TECRL: variants seen among roughly 807,000 people sequenced by gnomAD.
TECRL encodes the protein trans-2,3-enoyl-CoA reductase-like.
Under a neutral mutation model 52.8 loss-of-function variants are expected in TECRL, and 63 were observed. That is an observed-to-expected ratio of 1.19 (90% CI 0.97 to 1.47). The LOEUF (loss-of-function observed/expected upper bound fraction) is 1.47. Ranked by LOEUF, TECRL falls within the 40% of genes most tolerant of loss-of-function variation. The pLI, the probability that TECRL is intolerant of heterozygous loss-of-function variation, is 0.00. For missense variants in TECRL, 482 were observed against 429.6 expected (o/e 1.12, Z -1.08); for synonymous variants, 164 against 141.9 (o/e 1.16, Z -1.10).
intron 8 of TECRL, among the ~76,000 whole-genome samples, chr4:64,291,000 TC>T (rs1723350937): frequency 6.6e-6 from 1 of 152,104 alleles, no homozygotes. Flanking sequence ...TTTTGAATTT[TC>T]AGGTAATACT....
At chr4:64,395,940 C>T (rs1458128505) in intron 1 of TECRL, among the ~76,000 whole-genome samples, 1 of 152,108 alleles carries the variant, frequency 6.6e-6, no homozygotes, top group African/African-American at 2.4e-5. Context: ...GTTTTCTGTT[C>T]CTCAGTTAAT....
chr4:64,381,560 C>T (rs1450952664), intron 1 of TECRL, among the ~76,000 whole-genome samples: 1 of 151,796 alleles, frequency 6.6e-6, no homozygotes, highest in Non-Finnish European at 1.5e-5. Flanking sequence ...ATGTTCATTA[C>T]ATACCTAATT....
chr4:64,403,475 GCA>G lies in TECRL; in HGVS notation c.234+5641_234+5642del, dbSNP rs148711260. 2.0e-3 allele frequency among the ~76,000 whole-genome samples: 299 copies of G among 148,246 alleles called. 1 individual carries two copies. Among genetic ancestry groups the G allele is most frequent in the South Asian group, 0.019 (88 of 4,680 alleles). ...AAACAATATTCTTCCCTCCCTGAGC[GCA>G]CACACACACACACACACACACACAC... On this transcript the variant is annotated intron_variant, in intron 1 of 11. Coordinates refer to ENST00000381210, the MANE Select transcript of TECRL (RefSeq NM_001010874.5).
At chr4:64,373,898 A>G (rs1421141340) in intron 2 of TECRL, among the ~76,000 whole-genome samples, 8 of 149,210 alleles carry the variant, frequency 5.4e-5, no homozygotes, top group Non-Finnish European at 1.5e-5. Flanking sequence ...TTTTAAGTAG[A>G]AATACACCAA....
intron 1 of TECRL, among the ~76,000 whole-genome samples, chr4:64,378,341 G>A (rs559884259): frequency 2.0e-5 from 3 of 152,158 alleles, no homozygotes; most frequent in African/African-American, 4.8e-5. Context: ...CAAGGCAGAA[G>A]GATCACTTGA....
At chr4:64,294,217 C>A (rs1442636508) in intron 8 of TECRL, among the ~76,000 whole-genome samples, 1 of 151,892 alleles carries the variant, frequency 6.6e-6, no homozygotes, top group African/African-American at 2.4e-5. Context: ...AAACTCCTGA[C>A]CTCAAGTGAA....
chr4:64,357,180 T>A, intron 2 of TECRL, among the ~76,000 whole-genome samples: 1 of 152,066 alleles, frequency 6.6e-6, no homozygotes, highest in East Asian at 1.9e-4. Context: ...AAATGTATTA[T>A]AAGAATAAAT....
chr4:64,328,445 G>A (rs1718406521), intron 3 of TECRL, 67 bp downstream of exon 3: 4 of 1,367,580 alleles, frequency 2.9e-6, no homozygotes, highest in South Asian at 2.5e-5. Flanking sequence ...ATAAGTGAAT[G>A]TCAGCTTTTG....
intron 1 of TECRL, among the ~76,000 whole-genome samples, chr4:64,399,240 A>G (rs968910684): frequency 1.1e-4 from 16 of 152,182 alleles, no homozygotes; most frequent in African/African-American, 3.1e-4. Flanking sequence ...TCTAAGCAGC[A>G]AAGTGTTCAA....
intron 1 of TECRL, among the ~76,000 whole-genome samples, chr4:64,404,228 A>AAAC (rs1724560489): frequency 6.6e-6 from 1 of 151,504 alleles, no homozygotes; most frequent in Admixed American, 6.6e-5. Context: ...ACCAAAAAAA[A>AAAC]AAAAAAAACA....
intron 4 of TECRL, among the ~76,000 whole-genome samples, chr4:64,316,134 T>A (rs1292377147): frequency 6.6e-6 from 1 of 152,110 alleles, no homozygotes; most frequent in Non-Finnish European, 1.5e-5. Context: ...ATTGATCTAG[T>A]GAAGTCAAAT....
chr4:64,401,363 C>T (rs1364859625), intron 1 of TECRL, among the ~76,000 whole-genome samples: 3 of 152,016 alleles, frequency 2.0e-5, no homozygotes, highest in Non-Finnish European at 4.4e-5. Context: ...CTCTTTTTTT[C>T]TTGGATATGC....
chr4:64,334,030 C>CAAA (rs4034910), intron 2 of TECRL, among the ~76,000 whole-genome samples: 297 of 27,942 alleles, frequency 0.011, 40 homozygotes, highest in Middle Eastern at 0.031. Context: ...GACTCCGTCT[C>CAAA]AAAAAAAAAA....
intron 1 of TECRL, among the ~76,000 whole-genome samples, chr4:64,383,811 T>A (rs867861617): frequency 1.4e-4 from 22 of 152,172 alleles, no homozygotes; most frequent in African/African-American, 5.3e-4. Context: ...ATCATGTTTC[T>A]TGCCTCAATA....
At chr4:64,343,243 T>C (rs1719712136) in intron 2 of TECRL, among the ~76,000 whole-genome samples, 1 of 152,088 alleles carries the variant, frequency 6.6e-6, no homozygotes, top group Non-Finnish European at 1.5e-5. Flanking sequence ...ATACAGTGTA[T>C]ATTAATAGCT....
intron 8 of TECRL, chr4:64,299,339 A>G (rs1447279552): frequency 1.3e-5 from 2 of 151,168 alleles, no homozygotes; most frequent in Non-Finnish European, 1.5e-5. Context: ...TAACTAATTT[A>G]TCAATGACAG....
chr4:64,350,782 G>A (rs1720337054), intron 2 of TECRL, among the ~76,000 whole-genome samples: 1 of 151,692 alleles, frequency 6.6e-6, no homozygotes, highest in African/African-American at 2.4e-5. Context: ...GACGTGCCAA[G>A]CCTCCACAAT....
At chr4:64,337,024 C>T (rs1719141615) in intron 2 of TECRL, among the ~76,000 whole-genome samples, 1 of 152,088 alleles carries the variant, frequency 6.6e-6, no homozygotes, top group Non-Finnish European at 1.5e-5. Context: ...TCTATTAGGT[C>T]CGCTTGGTGC....
At chr4:64,296,088 T>A (rs188324434) in intron 8 of TECRL, among the ~76,000 whole-genome samples, 1 of 152,052 alleles carries the variant, frequency 6.6e-6, no homozygotes, top group East Asian at 1.9e-4. Context: ...GGTAGGTAAG[T>A]GATCAGAAAA....
Sources: allele counts gnomAD v4.1 joint callset (sites outside exome capture counted in the v4.1 genomes callset), GRCh38; gene constraint gnomAD v4.1.1; transcripts MANE v1.5; gene names NCBI Gene and HGNC (gene_info 2026-07-23, HGNC 2026-07-21).